SYNE1: variants seen among roughly 807,000 people sequenced by gnomAD.
SYNE1 encodes spectrin repeat containing nuclear envelope protein 1, also known as nesprin-1.
Under a neutral mutation model 1,111.0 loss-of-function variants are expected in SYNE1, and 616 were observed. That is an observed-to-expected ratio of 0.55 (90% CI 0.52 to 0.59). SYNE1 has a LOEUF of 0.59. Ranked by LOEUF, SYNE1 falls within the 20% of genes least tolerant of loss-of-function variation. The probability of loss-of-function intolerance (pLI) is 0.00; values close to 1 mark genes in which losing one functional copy is unlikely to be tolerated. For synonymous variants in SYNE1, 3,855 were observed against 3,825.8 expected, an observed-to-expected ratio of 1.01 and a Z score of -0.28; for missense variants, 10,006 against 10,417.0, an observed-to-expected ratio of 0.96 and a Z score of 1.72.
intron 4 of SYNE1, among the ~76,000 whole-genome samples, chr6:152,532,047 C>T (rs760448571): frequency 6.6e-5 from 10 of 152,234 alleles, no homozygotes; most frequent in Non-Finnish European, 1.0e-4. Context: ...CATGTTAATT[C>T]TATTTTTATC....
At chr6:152,548,819 A>G (rs1049772259) in intron 3 of SYNE1, among the ~76,000 whole-genome samples, 1 of 152,146 alleles carries the variant, frequency 6.6e-6, no homozygotes. Flanking sequence ...GGTAGAATCA[A>G]TTTCCCTTCC....
At chr6:152,229,154 C>T (rs913007689) in intron 115 of SYNE1, among the ~76,000 whole-genome samples, 2 of 152,104 alleles carry the variant, frequency 1.3e-5, no homozygotes, top group African/African-American at 4.8e-5. Context: ...TTCTTTCTTT[C>T]TGAAACCCGA....
intron 29 of SYNE1, among the ~76,000 whole-genome samples, chr6:152,445,804 G>A (rs538139506): frequency 6.6e-6 from 1 of 152,048 alleles, no homozygotes; most frequent in Non-Finnish European, 1.5e-5. Flanking sequence ...AAAGAAAGGG[G>A]CTGAATGTGC....
intron 3 of SYNE1, among the ~76,000 whole-genome samples, chr6:152,605,076 A>AGAAGGAAGGAAGGAAGGAAGGAAG (rs376634946): frequency 6.2e-5 from 2 of 32,348 alleles, no homozygotes; most frequent in East Asian, 1.1e-3. Context: ...GAGGGAGGAA[A>AGAAGGAAGGAAGGAAGGAAGGAAG]GAAGGAAGGA....
In SYNE1 at chr6:152,221,036, A is replaced by C; in HGVS notation, c.21667T>G (p.Leu7223Val). 1 of 1,614,110 alleles carries C rather than the reference A, an allele frequency of 6.2e-7. No individual in the cohort carries two copies. Among genetic ancestry groups the C allele is most frequent in the African/African-American group, 1.3e-5 (1 of 75,046 alleles). The change falls in exon 119 of 146, where the codon TTG becomes GTG. Residue 7223 changes from leucine to valine, a missense_variant. Physicochemically the swap from Leu to Val is conservative, Grantham distance 32. Coordinates refer to ENST00000367255, the MANE Select transcript of SYNE1 (RefSeq NM_182961.4). Reference protein sequence around the residue: ...LKEVNMRWNNLLEEIAEQLQS... With the variant: ...LKEVNMRWNNVLEEIAEQLQS... ...AGCTGCTCAGCAATCTCTTCCAGCA[A>C]GTTATTCCATCTGGAAATAATAACC...
rs2097097511 is a variant in SYNE1 at position 152,367,200 on chromosome 6, CTG to C, written c.9972+16_9972+17del. The C allele has an allele frequency of 6.2e-7, 1 of 1,614,166 alleles. No individual in the cohort carries two copies. ...CAAATTCTGTAGGTTGGAGATATTT[CTG>C]TGTAAAGATGCACACCTCGAGCTTG... On this transcript the variant is annotated intron_variant, in intron 62 of 145. Transcript: ENST00000367255.
At chr6:152,166,266 T>A (rs1044928579) in intron 130 of SYNE1, among the ~76,000 whole-genome samples, 2 of 152,282 alleles carry the variant, frequency 1.3e-5, no homozygotes, top group African/African-American at 4.8e-5. Context: ...CCGGCCATGC[T>A]AAACTCAGTG....
intron 138 of SYNE1, among the ~76,000 whole-genome samples, chr6:152,141,943 C>A (rs1209896894): frequency 6.6e-6 from 1 of 152,002 alleles, no homozygotes; most frequent in Admixed American, 6.6e-5. Flanking sequence ...TGGTGGTGAG[C>A]ACCTGTAGTC....
At chr6:152,567,739 T>C (rs2099418960) in intron 3 of SYNE1, among the ~76,000 whole-genome samples, 1 of 152,194 alleles carries the variant, frequency 6.6e-6, no homozygotes, top group Non-Finnish European at 1.5e-5. Context: ...CCTGGGTGCT[T>C]TCTGGAGAAA....
Position 152,376,919 on chromosome 6 carries a change from A to G in SYNE1, c.9010-7T>C. Reference sequence around the variant, plus strand: ...GCAAAGCATCCAGTATCTCCTGTTCAGAAATAATGAGACAAAGAAGCGAGC... The same window carrying G: ...GCAAAGCATCCAGTATCTCCTGTTCGGAAATAATGAGACAAAGAAGCGAGC... On this transcript the variant is annotated splice_polypyrimidine_tract_variant and splice_region_variant and intron_variant, in intron 56 of 145. Transcript: ENST00000367255. 1 of 1,613,600 alleles carries G rather than the reference A, an allele frequency of 6.2e-7. No individual in the cohort carries two copies. The highest frequency in any genetic ancestry group is 8.5e-7 in the Non-Finnish European group (1 of 1,179,966).
rs77945565 is a variant in SYNE1 at position 152,395,958 on chromosome 6, C to T, written c.7557-287G>A. The stretch of plus-strand genomic sequence containing the variant: ...AATTGCCAACAAGATCACATTCCCA[C>T]GTCAATGAGCACTTAATTTTGTGTC... On this transcript the variant is annotated intron_variant, in intron 50 of 145. Coordinates refer to ENST00000367255, the MANE Select transcript of SYNE1 (RefSeq NM_182961.4). 0.01 allele frequency among the ~76,000 whole-genome samples: 1,570 copies of T among 152,264 alleles called. 10 individuals are homozygous for T. The highest frequency in any genetic ancestry group is 0.024 in the Middle Eastern group (7 of 294).
At chr6:152,352,472 G>A in intron 69 of SYNE1, 119 bp from the exon 70 acceptor site, 2 of 1,065,636 alleles carry the variant, frequency 1.9e-6, no homozygotes, top group Non-Finnish European at 2.7e-6. Flanking sequence ...GCACAATCTT[G>A]GCTCACTGCA....
chr6:152,396,372 A>G (rs550065), intron 50 of SYNE1, among the ~76,000 whole-genome samples: 59,194 of 151,514 alleles, frequency 0.39, 11,955 homozygotes, highest in East Asian at 0.75. Context: ...TATTCACCAT[A>G]TATTACTTAT....
intron 19 of SYNE1, among the ~76,000 whole-genome samples, 153 bp downstream of exon 19, chr6:152,463,200 T>C (rs1024194388): frequency 2.0e-5 from 3 of 152,176 alleles, no homozygotes; most frequent in Admixed American, 1.3e-4. Context: ...TGGAAAAGAA[T>C]GAAGAACCAA....
At chr6:152,190,367 G>A (rs1362413647) in intron 127 of SYNE1, among the ~76,000 whole-genome samples, 2 of 152,106 alleles carry the variant, frequency 1.3e-5, no homozygotes, top group African/African-American at 4.8e-5. Context: ...CACGACAGCT[G>A]GAATCAACTT....
At chr6:152,204,890 C>CA (rs1490781914) in intron 126 of SYNE1, among the ~76,000 whole-genome samples, 1 of 151,986 alleles carries the variant, frequency 6.6e-6, no homozygotes, top group Non-Finnish European at 1.5e-5. Flanking sequence ...AATCACATCA[C>CA]AAATTTAAAA....
At chr6:152,143,136 C>T (rs1478352979) in intron 138 of SYNE1, among the ~76,000 whole-genome samples, 1 of 152,164 alleles carries the variant, frequency 6.6e-6, no homozygotes, top group Non-Finnish European at 1.5e-5. Flanking sequence ...CCCCAAATCC[C>T]TCTTGCTAGA....
chr6:152,395,215 A>C (rs1385659914), intron 51 of SYNE1, among the ~76,000 whole-genome samples: 1 of 152,144 alleles, frequency 6.6e-6, no homozygotes, highest in Non-Finnish European at 1.5e-5. Context: ...TATTATTAAC[A>C]CAATGTTTAA....
rs771860354 is a variant in SYNE1 at position 152,511,028 on chromosome 6, T to C, written c.385A>G (p.Ile129Val). Reference protein sequence around the residue: ...PSIVLGLMWTIILYFQIEELT... With the variant: ...PSIVLGLMWTVILYFQIEELT... Reference sequence around the variant, plus strand: ...CACAATACCTGGAAATATAGAATAATGGTCCACATCAATCCAAGAACTATT... The same window carrying C: ...CACAATACCTGGAAATATAGAATAACGGTCCACATCAATCCAAGAACTATT... Residue 129 changes from isoleucine to valine, a missense_variant, in exon 7 of 146, where the codon ATT becomes GTT. By Grantham distance (29) the Ile-to-Val change is conservative (BLOSUM62 3). Around this residue, in one of 7 missense-constraint regions of SYNE1, gnomAD observed 1,971 missense variants for 2,084.1 expected, o/e 0.95. Transcript: ENST00000367255. 16 of 1,613,874 alleles carry C rather than the reference T, an allele frequency of 9.9e-6. No individual in the cohort carries two copies. The African/African-American group carries it at 1.7e-4, about 18-fold the overall frequency.
Sources: allele counts gnomAD v4.1 joint callset (sites outside exome capture counted in the v4.1 genomes callset), GRCh38; gene constraint gnomAD v4.1.1; regional missense constraint gnomAD v4.1.1; transcripts MANE v1.5; gene names NCBI Gene and HGNC (gene_info 2026-07-23, HGNC 2026-07-21).